Variants in CTNNBL1 observed in about 807,000 individuals in gnomAD.
CTNNBL1 encodes catenin beta like 1.
CTNNBL1 carries 31 observed loss-of-function variants against 72.7 expected under a neutral mutation model. That is an observed-to-expected ratio of 0.43 (90% CI 0.32 to 0.58). The LOEUF is 0.58. Ranked by LOEUF, CTNNBL1 falls within the 20% of genes least tolerant of loss-of-function variation. The pLI is 0.08. For synonymous variants in CTNNBL1, 240 were observed against 267.3 expected (o/e 0.90, Z 1.00); for missense variants, 534 against 725.1 (o/e 0.74, Z 3.03).
At chr20:37,726,667 T>C (rs2073087727) in intron 1 of CTNNBL1, among the ~76,000 whole-genome samples, 1 of 152,236 alleles carries the variant, frequency 6.6e-6, no homozygotes, top group African/African-American at 2.4e-5. Context: ...GAATTCTTGG[T>C]TTATTACAAT....
At chr20:37,805,996 C>T (rs1387523654) in intron 11 of CTNNBL1, among the ~76,000 whole-genome samples, 3 of 152,240 alleles carry the variant, frequency 2.0e-5, no homozygotes, top group African/African-American at 7.2e-5. Flanking sequence ...AGGTTGAAGT[C>T]AATACAGTTG....
chr20:37,744,833 A>C (rs1296522843), intron 3 of CTNNBL1: 3 of 152,220 alleles, frequency 2.0e-5, no homozygotes, highest in Non-Finnish European at 2.9e-5. Flanking sequence ...TTGGGGGGAA[A>C]GTCTGTGAGT....
chr20:37,732,868 T>C lies in CTNNBL1; in HGVS notation c.31-11T>C. The stretch of plus-strand genomic sequence containing the variant: ...ATCCAGCTCTAAAATCTTATGTTTC[T>C]TTTCTCTCAGCCCAATAGGGGCACA... On this transcript the variant is annotated splice_polypyrimidine_tract_variant and intron_variant, in intron 1 of 15. Transcript: ENST00000361383. 1.9e-6 allele frequency: 3 copies of C among 1,611,106 alleles called. No individual in the cohort carries two copies. The highest frequency in any genetic ancestry group is 2.5e-6 in the Non-Finnish European group (3 of 1,178,876).
intron 5 of CTNNBL1, among the ~76,000 whole-genome samples, chr20:37,758,464 G>A (rs917462706): frequency 6.6e-6 from 1 of 152,224 alleles, no homozygotes; most frequent in Non-Finnish European, 1.5e-5. Context: ...CCGCTGGGTC[G>A]CTCAGCCCGT....
intron 11 of CTNNBL1, among the ~76,000 whole-genome samples, chr20:37,808,121 T>C (rs1017432061): frequency 6.6e-6 from 1 of 152,300 alleles, no homozygotes; most frequent in East Asian, 1.9e-4. Flanking sequence ...GTGTGTGGTG[T>C]GCACACTAGG....
chr20:37,775,293 C>T (rs1418363428), intron 7 of CTNNBL1, among the ~76,000 whole-genome samples: 6 of 152,132 alleles, frequency 3.9e-5, no homozygotes, highest in South Asian at 2.1e-4. Context: ...TCAGATTGAA[C>T]GCTACGACCA....
intron 11 of CTNNBL1, among the ~76,000 whole-genome samples, chr20:37,806,056 GGGT>G (rs2071957295): frequency 6.6e-6 from 1 of 152,226 alleles, no homozygotes; most frequent in Non-Finnish European, 1.5e-5. Context: ...CTAGAGTGAA[GGGT>G]CTTTCATCCA....
At chr20:37,746,889 C>G (rs1178970196) in intron 4 of CTNNBL1, among the ~76,000 whole-genome samples, 1 of 152,246 alleles carries the variant, frequency 6.6e-6, no homozygotes, top group African/African-American at 2.4e-5. Flanking sequence ...ACATTAACAG[C>G]TTTACTTTTC....
chr20:37,751,374 A>G (rs2122634392), intron 4 of CTNNBL1: 2 of 152,334 alleles, frequency 1.3e-5, no homozygotes, highest in East Asian at 3.9e-4. Flanking sequence ...TTTAAGTGGC[A>G]GAGTAGATCA....
chr20:37,857,416 C>T (rs548156247), intron 13 of CTNNBL1, among the ~76,000 whole-genome samples: 1 of 152,326 alleles, frequency 6.6e-6, no homozygotes, highest in South Asian at 2.1e-4. Flanking sequence ...CAACACCCCC[C>T]AGGCCAAAGC....
At chr20:37,716,425 TTC>T (rs1033501192) in intron 1 of CTNNBL1, among the ~76,000 whole-genome samples, 2 of 152,188 alleles carry the variant, frequency 1.3e-5, no homozygotes, top group African/African-American at 2.4e-5. Flanking sequence ...GAGGTCAGAG[TTC>T]TCTGTTTTTT....
At chr20:37,775,321 C>T (rs913013077) in intron 7 of CTNNBL1, among the ~76,000 whole-genome samples, 2 of 152,142 alleles carry the variant, frequency 1.3e-5, no homozygotes, top group Admixed American at 6.6e-5. Flanking sequence ...GATTTCACAT[C>T]GATTTTCACA....
chr20:37,831,810 C>T lies in CTNNBL1; in HGVS notation c.1214-8292C>T, dbSNP rs75127672. ...TTTTGAGAAAAGGGAGGGCTGGTGA[C>T]GTACCACTTCATGCCCTATAATTAT... On this transcript the variant is annotated intron_variant, in intron 11 of 15. Coordinates refer to ENST00000361383, the MANE Select transcript of CTNNBL1 (RefSeq NM_030877.5). Among the ~76,000 whole-genome samples, 205 of 152,300 alleles carry T rather than the reference C, an allele frequency of 1.3e-3. 1 individual carries two copies. In the East Asian group the frequency reaches 0.018, roughly 13 times the overall value.
At chr20:37,769,935 C>A (rs2073507640) in intron 7 of CTNNBL1, among the ~76,000 whole-genome samples, 1 of 152,208 alleles carries the variant, frequency 6.6e-6, no homozygotes, top group African/African-American at 2.4e-5. Flanking sequence ...TTCTGACACT[C>A]TAGTCTTCTC....
intron 8 of CTNNBL1, 100 bp downstream of exon 8, chr20:37,777,517 T>C: frequency 7.3e-7 from 1 of 1,373,802 alleles, no homozygotes; most frequent in African/African-American, 1.4e-5. Flanking sequence ...CCCCTTGCTC[T>C]CCCTCTCACT....
intron 1 of CTNNBL1, among the ~76,000 whole-genome samples, chr20:37,723,558 A>T (rs1273105406): frequency 1.3e-5 from 2 of 152,092 alleles, no homozygotes; most frequent in African/African-American, 4.8e-5. Context: ...TAATTAATTG[A>T]TCTTTTTTTG....
intron 11 of CTNNBL1, among the ~76,000 whole-genome samples, chr20:37,833,365 C>T (rs1278961011): frequency 3.3e-5 from 5 of 152,268 alleles, no homozygotes; most frequent in Non-Finnish European, 7.3e-5. Flanking sequence ...TCCCTCCAGG[C>T]GGTTTCAGTA....
intron 11 of CTNNBL1, among the ~76,000 whole-genome samples, chr20:37,816,820 A>G (rs1453718555): frequency 6.6e-6 from 1 of 152,060 alleles, no homozygotes; most frequent in Non-Finnish European, 1.5e-5. Flanking sequence ...ACTTTCTTAA[A>G]TGTATTGATT....
At chr20:37,835,171 C>T (rs569088079) in intron 11 of CTNNBL1, among the ~76,000 whole-genome samples, 1 of 152,290 alleles carries the variant, frequency 6.6e-6, no homozygotes, top group South Asian at 2.1e-4. Context: ...GTTGACTGGG[C>T]TGTGGGATAC....
Sources: allele counts gnomAD v4.1 joint callset (sites outside exome capture counted in the v4.1 genomes callset), GRCh38; gene constraint gnomAD v4.1.1; transcripts MANE v1.5; gene names NCBI Gene and HGNC (gene_info 2026-07-23, HGNC 2026-07-21).